The following EBPL variants were observed in gnomAD, a reference collection of about 807,000 sequenced individuals.
EBPL encodes the protein EBP like, also known as emopamil-binding protein-like.
A neutral mutation model predicts 19.0 loss-of-function variants in EBPL; 20 were observed. The ratio of observed to expected loss-of-function variants is 1.05; its 90% CI spans 0.74 to 1.53. The LOEUF is 1.53. EBPL is among the 40% of genes most tolerant of loss of function. The pLI, the probability that EBPL is intolerant of heterozygous loss-of-function variation, is 0.00. For synonymous variants in EBPL, 107 were observed against 117.0 expected (o/e 0.91, Z 0.55); for missense variants, 219 against 261.1 (o/e 0.84, Z 1.11).
chr13:49,686,606 T>C, intron 1 of EBPL: 2 of 1,289,110 alleles, frequency 1.6e-6, no homozygotes, highest in Non-Finnish European at 2.0e-6. Flanking sequence ...CTAGGATAGA[T>C]ATTTTAAAAG....
In EBPL at chr13:49,669,797, T is replaced by A; in HGVS notation, c.221A>T (p.Asp74Val). The part of the protein sequence containing the change: ...LSLVGNVANS[D>V]GLIASLWKEY... ...CTTACATAAAGAAGCAATCAAGCCA[T>A]CGGAATTTGCAACGTTTCCTACTAA... Residue 74 changes from aspartate to valine, a missense_variant, in exon 2 of 4, where the codon GAT becomes GTT. Asp to Val is a radical substitution (Grantham distance 152). This residue lies in a region of EBPL where 170 missense variants were observed against 167.0 expected (regional missense o/e 1.02). Coordinates refer to ENST00000242827, the MANE Select transcript of EBPL (RefSeq NM_032565.5). 1 of 1,614,138 alleles carries A rather than the reference T, an allele frequency of 6.2e-7. No homozygotes were observed. Among genetic ancestry groups the A allele is most frequent in the Non-Finnish European group, 8.5e-7 (1 of 1,179,982 alleles).
chr13:49,678,381 G>C (rs9596168), intron 1 of EBPL, among the ~76,000 whole-genome samples: 25,168 of 152,272 alleles, frequency 0.17, 2,283 homozygotes, highest in South Asian at 0.26. Context: ...CTGCGGAGCA[G>C]GGGGCAGTGC....
chr13:49,663,725 C>G (rs1965182376), intron 2 of EBPL, among the ~76,000 whole-genome samples: 1 of 142,896 alleles, frequency 7.0e-6, no homozygotes, highest in African/African-American at 2.6e-5. Context: ...ATCACGAGGT[C>G]AGGAGATCGA....
chr13:49,686,639 C>G, intron 1 of EBPL: 1 of 1,285,988 alleles, frequency 7.8e-7, no homozygotes, highest in South Asian at 1.2e-5. Context: ...TTCCTCAGCT[C>G]TTTCACCCTT....
intron 1 of EBPL, chr13:49,686,539 T>C: frequency 3.9e-6 from 5 of 1,289,748 alleles, no homozygotes; most frequent in Non-Finnish European, 5.1e-6. Flanking sequence ...TGAAATTCCA[T>C]TCTGTGGATC....
intron 2 of EBPL, among the ~76,000 whole-genome samples, chr13:49,663,432 C>G (rs9526586): frequency 0.19 from 28,504 of 152,148 alleles, 3,281 homozygotes; most frequent in Non-Finnish European, 0.26. Flanking sequence ...CAGTTTCCAG[C>G]ATGCTTTCAC....
Position 49,691,445 on chromosome 13 carries a change from A to G in EBPL, c.-21T>C, listed in dbSNP as rs1453525132. On this transcript the variant is annotated 5_prime_UTR_variant, in exon 1 of 4. Transcript: ENST00000242827. ...CCCATGCTTCAGGCTTCCGACGCCA[A>G]CGGCCCAGGACCATGCGGCAGAGGA... The G allele has an allele frequency of 1.5e-6, 2 of 1,294,582 alleles. No homozygotes were observed. Among genetic ancestry groups the G allele is most frequent in the Non-Finnish European group, 2.0e-6 (2 of 1,018,948 alleles). 80.2% of individuals were successfully genotyped at this position (1,294,582 alleles called of 1,614,324 possible). A position where few individuals can be genotyped will look rare whatever the true frequency, so the allele number is the denominator to read the frequency against.
Position 49,663,205 on chromosome 13 carries a change from A to G in EBPL, c.242-10T>C, listed in dbSNP as rs1482727084. 1 of 1,613,270 alleles carries G rather than the reference A, an allele frequency of 6.2e-7. No individual in the cohort carries two copies. Among genetic ancestry groups the G allele is most frequent in the South Asian group, 1.1e-5 (1 of 91,048 alleles). Reference sequence around the variant, plus strand: ...TTGCCATATTCTTTCCCTAAAGACAAAATCCATGTTGTTACTCAAATGGCA... The same window carrying G: ...TTGCCATATTCTTTCCCTAAAGACAGAATCCATGTTGTTACTCAAATGGCA... On this transcript the variant is annotated splice_polypyrimidine_tract_variant and intron_variant, in intron 2 of 3. Transcript: ENST00000242827.
chr13:49,691,296 C>G lies in EBPL; in HGVS notation c.129G>C (p.Ala43=). The change falls in exon 1 of 4, where the codon GCG becomes GCC. Residue 43 remains alanine (A), a synonymous_variant. Coordinates refer to ENST00000242827, the MANE Select transcript of EBPL (RefSeq NM_032565.5). The part of the protein sequence containing the change: ...GRGQGAADRG[A]LIWLCYDALV... Reference sequence around the variant, plus strand: ...GCGCGTCGTAGCAGAGCCAGATGAGCGCCCCGCGGTCCGCCGCCCCCTGCC... The same window carrying G: ...GCGCGTCGTAGCAGAGCCAGATGAGGGCCCCGCGGTCCGCCGCCCCCTGCC... 2 of 1,382,550 alleles carry G rather than the reference C, an allele frequency of 1.4e-6. No homozygotes were observed. Among genetic ancestry groups the G allele is most frequent in the Non-Finnish European group, 1.9e-6 (2 of 1,062,568 alleles). 85.6% of individuals were successfully genotyped at this position (1,382,550 alleles called of 1,614,324 possible).
chr13:49,678,305 C>T (rs533249333), intron 1 of EBPL, among the ~76,000 whole-genome samples: 2 of 152,354 alleles, frequency 1.3e-5, no homozygotes, highest in South Asian at 4.1e-4. Context: ...GTGGGCAGAG[C>T]TACCCGCCAG....
chr13:49,661,589 T>C (rs1416200988), intron 3 of EBPL, among the ~76,000 whole-genome samples: 1 of 152,050 alleles, frequency 6.6e-6, no homozygotes, highest in Non-Finnish European at 1.5e-5. Flanking sequence ...CCTCAAACAG[T>C]GTAGTGCAGA....
At chr13:49,675,878 G>A (rs55959138) in intron 1 of EBPL, among the ~76,000 whole-genome samples, 3 of 145,986 alleles carry the variant, frequency 2.1e-5, no homozygotes, top group East Asian at 3.9e-4. Context: ...TGTTGTTATT[G>A]TTTTTTTTTT....
At chr13:49,688,622 G>C (rs1461228789) in intron 1 of EBPL, among the ~76,000 whole-genome samples, 1 of 151,730 alleles carries the variant, frequency 6.6e-6, no homozygotes, top group African/African-American at 2.4e-5. Flanking sequence ...AGGAGGCTGA[G>C]GCAGGAGAAT....
chr13:49,668,567 C>T (rs1254938110), intron 2 of EBPL: 7 of 400,776 alleles, frequency 1.7e-5, no homozygotes, highest in Admixed American at 3.0e-5. Flanking sequence ...GAGCGAGACT[C>T]GCCTGAAAAA....
intron 2 of EBPL, 126 bp downstream of exon 2, chr13:49,669,651 C>T: frequency 2.4e-6 from 2 of 820,690 alleles, no homozygotes; most frequent in Non-Finnish European, 3.9e-6. Context: ...AGTATCTCTA[C>T]AGACTCACCT....
chr13:49,683,577 G>A (rs1025085911), intron 1 of EBPL, among the ~76,000 whole-genome samples: 1 of 151,994 alleles, frequency 6.6e-6, no homozygotes, highest in African/African-American at 2.4e-5. Context: ...CAAAAAACAA[G>A]CCTGAGCCAC....
intron 1 of EBPL, among the ~76,000 whole-genome samples, chr13:49,683,493 C>T (rs1432985638): frequency 6.6e-6 from 1 of 151,976 alleles, no homozygotes; most frequent in Non-Finnish European, 1.5e-5. Flanking sequence ...CGCACCACTG[C>T]ACTCCAGCCT....
rs987604745 is a variant in EBPL, at chr13:49,660,730, T to C, written c.*238A>G. On this transcript the variant is annotated 3_prime_UTR_variant, in exon 4 of 4. Transcript: ENST00000242827. ...CAATTAATGCCAGCCATAAAATGTA[T>C]AATTAAACATTTTATTATTACAAAT... 1 of 423,040 alleles carries C rather than the reference T, an allele frequency of 2.4e-6. No individual in the cohort carries two copies. Among genetic ancestry groups the C allele is most frequent in the South Asian group, 4.4e-5 (1 of 22,502 alleles). 26.2% of individuals were successfully genotyped at this position (423,040 alleles called of 1,614,324 possible). A position where few individuals can be genotyped will look rare whatever the true frequency, so the allele number is the denominator to read the frequency against.
At chr13:49,670,301 C>T (rs2137491376) in intron 1 of EBPL, among the ~76,000 whole-genome samples, 1 of 152,244 alleles carries the variant, frequency 6.6e-6, no homozygotes, top group South Asian at 2.1e-4. Context: ...GCAATCCTCC[C>T]CCCTTCTCCT....
Sources: allele counts gnomAD v4.1 joint callset (sites outside exome capture counted in the v4.1 genomes callset), GRCh38; gene constraint gnomAD v4.1.1; regional missense constraint gnomAD v4.1.1; transcripts MANE v1.5; gene names NCBI Gene and HGNC (gene_info 2026-07-23, HGNC 2026-07-21).